TBXAS1: variants seen among roughly 807,000 people sequenced by gnomAD.
TBXAS1 encodes the protein thromboxane-A synthase.
TBXAS1 carries 48 observed loss-of-function variants against 60.7 expected under a neutral mutation model. The ratio of observed to expected loss-of-function variants is 0.79; its 90% CI spans 0.63 to 1.01. TBXAS1 has a LOEUF of 1.01. Ranked by LOEUF, TBXAS1 falls within the 50% of genes least tolerant of loss-of-function variation. The pLI is 0.00. For synonymous variants in TBXAS1, 287 were observed against 269.7 expected, an observed-to-expected ratio of 1.06 and a Z score of -0.63; for missense variants, 685 against 686.3, an observed-to-expected ratio of 1.00 and a Z score of 0.02.
At chr7:139,796,094 C>A (rs1424592531) in intron 4 of TBXAS1, among the ~76,000 whole-genome samples, 1 of 152,136 alleles carries the variant, frequency 6.6e-6, no homozygotes, top group Non-Finnish European at 1.5e-5. Context: ...TTGTTTAGAA[C>A]AAACCATATA....
At chr7:139,976,787 C>T (rs542374327) in intron 9 of TBXAS1, among the ~76,000 whole-genome samples, 6 of 152,140 alleles carry the variant, frequency 3.9e-5, no homozygotes, top group Non-Finnish European at 8.8e-5. Flanking sequence ...TGCCAGAATC[C>T]CATGAGGCAC....
intron 3 of TBXAS1, among the ~76,000 whole-genome samples, chr7:139,904,014 C>T (rs1051731161): frequency 2.0e-5 from 3 of 151,932 alleles, no homozygotes; most frequent in African/African-American, 4.8e-5. Flanking sequence ...TTCTTGGTCA[C>T]GAAATCCTTG....
At chr7:139,912,777 G>A (rs1026922741) in intron 4 of TBXAS1, among the ~76,000 whole-genome samples, 5 of 152,154 alleles carry the variant, frequency 3.3e-5, no homozygotes, top group African/African-American at 9.7e-5. Flanking sequence ...TCCGAACTAG[G>A]TGAGCCATCC....
intron 9 of TBXAS1, among the ~76,000 whole-genome samples, chr7:139,971,046 C>G (rs1269502680): frequency 6.6e-6 from 1 of 152,082 alleles, no homozygotes; most frequent in Non-Finnish European, 1.5e-5. Flanking sequence ...CTTTGGTGGC[C>G]TAGGACAGAA....
chr7:139,803,857 T>C (rs1435761129), intron 4 of TBXAS1, among the ~76,000 whole-genome samples: 3 of 152,192 alleles, frequency 2.0e-5, no homozygotes, highest in African/African-American at 7.2e-5. Flanking sequence ...TCCACTTAGA[T>C]TTCAGAGGAT....
rs1322500090 is a variant in TBXAS1, at chr7:139,962,359, G to A, written c.1134+126G>A. 5.0e-6 allele frequency: 6 copies of A among 1,200,980 alleles called. No individual in the cohort carries two copies. The Middle Eastern group carries it at 1.2e-3, about 246-fold the overall frequency. 74.4% of individuals were successfully genotyped at this position (1,200,980 alleles called of 1,614,324 possible). Reference sequence around the variant, plus strand: ...CATTCTAAGCTTATAAGATGAAATAGGGTCATTGCTTGGCTTCTCCTGCTC... The same window carrying A: ...CATTCTAAGCTTATAAGATGAAATAAGGTCATTGCTTGGCTTCTCCTGCTC... On this transcript the variant is annotated intron_variant, in intron 9 of 12. Transcript: ENST00000448866.
intron 9 of TBXAS1, among the ~76,000 whole-genome samples, chr7:139,971,635 T>G (rs764834671): frequency 1.7e-4 from 26 of 151,784 alleles, no homozygotes; most frequent in Admixed American, 1.5e-3. Context: ...CTCCTCCACA[T>G]CCCCTGGAGA....
intron 8 of TBXAS1, 40 bp from the exon 9 acceptor site, chr7:139,961,878 TG>T (rs779496212): frequency 6.2e-7 from 1 of 1,613,186 alleles, no homozygotes; most frequent in East Asian, 2.2e-5. Context: ...TCTTCATGAC[TG>T]TAAGGTCAAA....
chr7:139,867,978 G>A (rs557106255), intron 1 of TBXAS1, among the ~76,000 whole-genome samples: 41 of 152,094 alleles, frequency 2.7e-4, no homozygotes, highest in Non-Finnish European at 5.7e-4. Context: ...AAATTGTACC[G>A]CTGGCACAGC....
chr7:139,886,312 A>G (rs886159769), intron 3 of TBXAS1, among the ~76,000 whole-genome samples: 4 of 150,954 alleles, frequency 2.6e-5, no homozygotes, highest in African/African-American at 9.8e-5. Context: ...TGGCCTATTT[A>G]TAAAGGTCTG....
At chr7:139,946,709 C>A (rs1044173239) in intron 5 of TBXAS1, among the ~76,000 whole-genome samples, 1 of 152,170 alleles carries the variant, frequency 6.6e-6, no homozygotes, top group Non-Finnish European at 1.5e-5. Context: ...TTACACCACT[C>A]CCTGCTTTCT....
rs541596463 is a variant in TBXAS1 at position 140,010,909 on chromosome 7, G to T, written c.1226+3727G>T. Among the ~76,000 whole-genome samples the T allele has an allele frequency of 1.1e-4, 16 of 150,922 alleles. 1 individual carries two copies. The South Asian group carries it at 3.4e-3, about 32-fold the overall frequency. ...ACAGCTTGAAGTAAAATCCAGCATA[G>T]AATTATTTTGAATTTTTAATTATTT... On this transcript the variant is annotated intron_variant, in intron 10 of 12. Coordinates refer to ENST00000448866, the MANE Select transcript of TBXAS1 (RefSeq NM_001061.7).
chr7:139,865,865 A>G lies in TBXAS1; in HGVS notation c.90-6370A>G, dbSNP rs1221859534. 1.5e-3 allele frequency among the ~76,000 whole-genome samples: 142 copies of G among 93,804 alleles called. 3 individuals carry two copies. Among genetic ancestry groups the G allele is most frequent in the South Asian group, 3.5e-3 (7 of 2,014 alleles). The allele number at this position is 93,804 out of a possible 152,430, so 61.5% of individuals were successfully genotyped here. A position where few individuals can be genotyped will look rare whatever the true frequency, so the allele number is the denominator to read the frequency against. On this transcript the variant is annotated intron_variant, in intron 1 of 12. Transcript: ENST00000448866. The stretch of plus-strand genomic sequence containing the variant: ...GGAAGAAGGAAGGAGGGAGGGAGGA[A>G]GGAAGGAGGGAGGGAGGGAAGGAGG...
At chr7:139,891,177 G>C (rs1803579386) in intron 3 of TBXAS1, among the ~76,000 whole-genome samples, 1 of 151,772 alleles carries the variant, frequency 6.6e-6, no homozygotes, top group African/African-American at 2.4e-5. Context: ...ATCCTTTTAT[G>C]GGACCTCTAC....
intron 3 of TBXAS1, among the ~76,000 whole-genome samples, chr7:139,891,736 T>C (rs1803637267): frequency 6.6e-6 from 1 of 152,228 alleles, no homozygotes; most frequent in African/African-American, 2.4e-5. Flanking sequence ...GCTCAGTAAA[T>C]ATCTGTTGCG....
intron 9 of TBXAS1, among the ~76,000 whole-genome samples, chr7:139,988,202 T>C (rs1338054424): frequency 2.6e-5 from 4 of 152,206 alleles, no homozygotes; most frequent in Non-Finnish European, 5.9e-5. Flanking sequence ...TCAGGGGAAT[T>C]CCGCAAAAAT....
rs1431442268 is a variant in TBXAS1, at chr7:139,798,228, G to A, written c.-80+10802G>A. On this transcript the variant is annotated intron_variant, in intron 4 of 16. Coordinates refer to the TBXAS1 transcript ENST00000336425. ...AAGAGGGAGACACGCCAGCCAGAAGGAAAAGAAAGAAGCCGGTGAAGCAGG... is the reference window on the plus strand; with the variant it reads ...AAGAGGGAGACACGCCAGCCAGAAGAAAAAGAAAGAAGCCGGTGAAGCAGG... Among the ~76,000 whole-genome samples, 4 of 152,106 alleles carry A rather than the reference G, an allele frequency of 2.6e-5. No individual in the cohort carries two copies. In the East Asian group the frequency reaches 5.8e-4, roughly 22 times the overall value.
At chr7:139,913,279 T>G (rs1273328272) in intron 4 of TBXAS1, 5 of 618,626 alleles carry the variant, frequency 8.1e-6, no homozygotes, top group East Asian at 2.8e-5. Flanking sequence ...GTCAAGAAAC[T>G]GATTCTGATT....
rs1805491869 is a variant in TBXAS1 at position 139,911,236 on chromosome 7, G to C, written c.248G>C (p.Gly83Ala). 2.5e-6 allele frequency: 4 copies of C among 1,613,900 alleles called. No homozygotes were observed. Among genetic ancestry groups the C allele is most frequent in the African/African-American group, 2.7e-5 (2 of 74,858 alleles). ...LYGPLCGYYL[G>A]RRMFIVISEP... ...TTTATTCCTCCCAGGTACTATCTTG[G>C]TCGTCGGATGTTTATTGTTATTTCT... is the stretch of plus-strand genomic sequence containing the variant. Residue 83 changes from glycine to alanine, a missense_variant, in exon 4 of 13, where the codon GGT becomes GCT. Gly to Ala is a moderately conservative substitution (Grantham distance 60). Transcript: ENST00000448866.
Sources: allele counts gnomAD v4.1 joint callset (sites outside exome capture counted in the v4.1 genomes callset), GRCh38; gene constraint gnomAD v4.1.1; transcripts MANE v1.5; gene names NCBI Gene and HGNC (gene_info 2026-07-23, HGNC 2026-07-21).